SESTD1: variants seen among roughly 807,000 people sequenced by gnomAD.
SESTD1 encodes SEC14 domain and spectrin repeat-containing protein 1.
Under a neutral mutation model 101.7 loss-of-function variants are expected in SESTD1, and 43 were observed. The ratio of observed to expected loss-of-function variants is 0.42; its 90% confidence interval spans 0.33 to 0.55. The LOEUF (loss-of-function observed/expected upper bound fraction) is 0.55. SESTD1 is among the 20% of genes least tolerant of loss of function. SESTD1 has a pLI of 0.07. For synonymous variants in SESTD1, 283 were observed against 286.8 expected, an observed-to-expected ratio of 0.99 and a Z score of 0.13; for missense variants, 647 against 815.1, an observed-to-expected ratio of 0.79 and a Z score of 2.51.
In SESTD1 at chr2:179,149,362, T is replaced by C. The variant is rs1384498727; in HGVS notation, c.516A>G (p.Ser172=). Residue 172 remains serine, a synonymous_variant, in exon 7 of 18, where the codon TCA becomes TCG. Transcript: ENST00000428443. The part of the protein sequence containing the change: ...VFEKFTKEST[S]LLDELALINN... ...TAATCAAAGCAAGTTCATCTAATAA[T>C]GATGTAGATTCCTTTGTAAACTTCT... The C allele has an allele frequency of 6.2e-7, 1 of 1,607,874 alleles. No individual in the cohort carries two copies. The highest frequency in any genetic ancestry group is 1.7e-5 in the Admixed American group (1 of 58,322).
chr2:179,200,322 A>C (rs922361129), intron 1 of SESTD1, among the ~76,000 whole-genome samples: 5 of 152,180 alleles, frequency 3.3e-5, no homozygotes, highest in Non-Finnish European at 7.3e-5. Context: ...GGAAGAATCA[A>C]TATCGTGAAA....
At chr2:179,238,339 C>T (rs575316112) in intron 1 of SESTD1, among the ~76,000 whole-genome samples, 2 of 152,058 alleles carry the variant, frequency 1.3e-5, no homozygotes, top group Non-Finnish European at 2.9e-5. Flanking sequence ...ACTAGTAAGT[C>T]CACAGAAAAC....
At chr2:179,259,715 G>C (rs2047454439) in intron 1 of SESTD1, among the ~76,000 whole-genome samples, 1 of 151,928 alleles carries the variant, frequency 6.6e-6, no homozygotes, top group African/African-American at 2.4e-5. Flanking sequence ...GTCACTGTTG[G>C]GTATTCACTA....
At chr2:179,255,181 C>A (rs550616640) in intron 1 of SESTD1, among the ~76,000 whole-genome samples, 2 of 152,268 alleles carry the variant, frequency 1.3e-5, no homozygotes, top group South Asian at 4.1e-4. Flanking sequence ...AATCAATAAT[C>A]CTACAATGGC....
At chr2:179,180,571 G>A (rs2046091171) in intron 3 of SESTD1, among the ~76,000 whole-genome samples, 1 of 152,162 alleles carries the variant, frequency 6.6e-6, no homozygotes, top group Non-Finnish European at 1.5e-5. Context: ...GACAAAAAGA[G>A]GGGTGAAACA....
intron 9 of SESTD1, among the ~76,000 whole-genome samples, chr2:179,136,775 G>C (rs894477373): frequency 2.6e-5 from 4 of 151,932 alleles, no homozygotes; most frequent in African/African-American, 9.7e-5. Flanking sequence ...GTGATAGCTG[G>C]GGATAAACAA....
chr2:179,234,222 T>A (rs984619383), intron 1 of SESTD1, among the ~76,000 whole-genome samples: 29 of 152,174 alleles, frequency 1.9e-4, no homozygotes, highest in African/African-American at 6.8e-4. Context: ...GCCTTCAAAC[T>A]AGAACATCGG....
At chr2:179,151,978 TA>T (rs1243205497) in intron 5 of SESTD1, among the ~76,000 whole-genome samples, 3 of 152,096 alleles carry the variant, frequency 2.0e-5, no homozygotes, top group Non-Finnish European at 4.4e-5. Context: ...ACTCTAAACT[TA>T]AAAAGATTTC....
At chr2:179,137,872 CA>C (rs1207376791) in intron 9 of SESTD1, among the ~76,000 whole-genome samples, 2 of 151,942 alleles carry the variant, frequency 1.3e-5, no homozygotes, top group Non-Finnish European at 2.9e-5. Context: ...TTTAAACAAG[CA>C]AAAAAATTTT....
chr2:179,181,590 G>C (rs138607543), intron 3 of SESTD1, among the ~76,000 whole-genome samples: 9 of 152,194 alleles, frequency 5.9e-5, no homozygotes, highest in South Asian at 2.1e-4. Flanking sequence ...CTCTAAATTG[G>C]TGTCAGGAAT....
chr2:179,261,410 A>T (rs1380653160), intron 1 of SESTD1, among the ~76,000 whole-genome samples: 1 of 152,182 alleles, frequency 6.6e-6, no homozygotes, highest in African/African-American at 2.4e-5. Context: ...GCCTCTTATT[A>T]ACTGTAAGGT....
At chr2:179,255,639 C>G (rs930431795) in intron 1 of SESTD1, among the ~76,000 whole-genome samples, 14 of 152,168 alleles carry the variant, frequency 9.2e-5, no homozygotes, top group African/African-American at 3.4e-4. Flanking sequence ...CAAGATGAAG[C>G]AGCAAGTGCT....
At chr2:179,197,762 G>T (rs1285472058) in intron 1 of SESTD1, among the ~76,000 whole-genome samples, 1 of 152,008 alleles carries the variant, frequency 6.6e-6, no homozygotes, top group South Asian at 2.1e-4. Flanking sequence ...CAAATGCTGA[G>T]AGATTTTGTC....
In SESTD1 at chr2:179,106,900, T is replaced by C. The variant is rs2154393474; in HGVS notation, c.*2999A>G. 6.6e-6 allele frequency: 1 copy of C among 151,900 alleles called. No individual in the cohort carries two copies. Among genetic ancestry groups the C allele is most frequent in the South Asian group, 2.1e-4 (1 of 4,810 alleles). 9.4% of individuals were successfully genotyped at this position (151,900 alleles called of 1,614,324 possible). A position where few individuals can be genotyped will look rare whatever the true frequency, so the allele number is the denominator to read the frequency against. ...CGAAGAACAGATGCCAAACTGCCAT[T>C]ATATATTAAGCTTACACAGGAGCAA... On this transcript the variant is annotated 3_prime_UTR_variant, in exon 18 of 18. Coordinates refer to ENST00000428443, the MANE Select transcript of SESTD1 (RefSeq NM_178123.5).
intron 1 of SESTD1, among the ~76,000 whole-genome samples, chr2:179,209,865 G>A (rs2046629637): frequency 7.5e-6 from 1 of 132,946 alleles, no homozygotes. Context: ...AAAGATCAGA[G>A]CAGAACTAAA....
intron 17 of SESTD1, among the ~76,000 whole-genome samples, chr2:179,111,905 G>A (rs918110605): frequency 2.0e-5 from 3 of 151,982 alleles, no homozygotes; most frequent in South Asian, 4.2e-4. Context: ...CTTTTTAGTA[G>A]AGATGGGTTT....
chr2:179,248,918 A>C (rs1365913198), intron 1 of SESTD1, among the ~76,000 whole-genome samples: 1 of 141,948 alleles, frequency 7.0e-6, no homozygotes, highest in Admixed American at 7.1e-5. Context: ...CTGTCTGTAC[A>C]AAAAAAAAAA....
chr2:179,189,829 A>T (rs1354636233), intron 2 of SESTD1, among the ~76,000 whole-genome samples: 1 of 152,128 alleles, frequency 6.6e-6, no homozygotes, highest in Non-Finnish European at 1.5e-5. Context: ...TATAATGGCC[A>T]TAAAAAATAC....
intron 10 of SESTD1, among the ~76,000 whole-genome samples, chr2:179,131,855 T>A (rs1177773911): frequency 6.6e-6 from 1 of 152,180 alleles, no homozygotes; most frequent in African/African-American, 2.4e-5. Flanking sequence ...TGGAAAAATA[T>A]TCTGCACCCT....
Sources: gnomAD v4.1 joint callset for allele counts (sites outside exome capture counted in the v4.1 genomes callset) on GRCh38, gnomAD v4.1.1 for gene constraint, MANE v1.5 for transcripts, NCBI Gene and HGNC (gene_info 2026-07-23, HGNC 2026-07-21) for gene names.